Variants in RBFOX1 observed in about 807,000 individuals in gnomAD.
RBFOX1 encodes the protein RNA binding fox-1 homolog 1.
A neutral mutation model predicts 57.7 loss-of-function variants in RBFOX1; 8 were observed. The observed-to-expected ratio is 0.14, with a 90% confidence interval of 0.08 to 0.25. The LOEUF is 0.25. Among genes scored for constraint, RBFOX1 ranks in the 10% least tolerant of loss-of-function variants. The pLI, the probability that RBFOX1 is intolerant of heterozygous loss-of-function variation, is 1.00. For missense variants in RBFOX1, 611 were observed against 548.5 expected, an observed-to-expected ratio of 1.11 and a Z score of -1.14; for synonymous variants, 326 against 222.4, an observed-to-expected ratio of 1.47 and a Z score of -4.15.
chr16:7,675,652 G>C (rs2146355192), intron 13 of RBFOX1, among the ~76,000 whole-genome samples: 1 of 152,286 alleles, frequency 6.6e-6, no homozygotes, highest in Middle Eastern at 3.4e-3. Flanking sequence ...CTTCATCTAT[G>C]TCTTATCGTA....
intron 3 of RBFOX1, among the ~76,000 whole-genome samples, chr16:6,804,134 A>G (rs1402868278): frequency 1.3e-5 from 2 of 152,022 alleles, no homozygotes; most frequent in Non-Finnish European, 2.9e-5. Flanking sequence ...CAGGCATCCA[A>G]GTAGCTGGGA....
chr16:5,510,467 A>C (rs1011811155), intron 2 of RBFOX1, among the ~76,000 whole-genome samples: 1 of 150,412 alleles, frequency 6.6e-6, no homozygotes, highest in South Asian at 2.1e-4. Context: ...CTCAAAGCCA[A>C]GTCCTGAAAC....
intron 5 of RBFOX1, among the ~76,000 whole-genome samples, chr16:7,526,337 C>G (rs2078702687): frequency 6.6e-6 from 1 of 152,132 alleles, no homozygotes; most frequent in South Asian, 2.1e-4. Context: ...TTCTTCGTGG[C>G]TGCCCTCTAG....
intron 3 of RBFOX1, among the ~76,000 whole-genome samples, chr16:6,741,767 T>G (rs533631029): frequency 6.6e-6 from 1 of 152,226 alleles, no homozygotes; most frequent in South Asian, 2.1e-4. Flanking sequence ...GCAAATTTCA[T>G]ATCTAATAAA....
At chr16:5,548,981 T>G (rs751590297) in intron 2 of RBFOX1, among the ~76,000 whole-genome samples, 1 of 152,194 alleles carries the variant, frequency 6.6e-6, no homozygotes, top group African/African-American at 2.4e-5. Flanking sequence ...GTAATGAAGA[T>G]AAGGTGATTT....
intron 4 of RBFOX1, among the ~76,000 whole-genome samples, chr16:6,007,894 G>A (rs760260336): frequency 1.4e-4 from 22 of 152,050 alleles, no homozygotes; most frequent in Non-Finnish European, 2.6e-4. Context: ...CGTGGAGAAC[G>A]CAGTGGAGAG....
chr16:6,990,003 C>A lies in RBFOX1; in HGVS notation c.-15-62054C>A, dbSNP rs903746049. The stretch of plus-strand genomic sequence containing the variant: ...GTGACAAGAGCGAGACTCTGTTTCA[C>A]ACAAAAAACTGAGAAAATGTCTGCA... On this transcript the variant is annotated intron_variant, in intron 3 of 15. Transcript: ENST00000550418. Among the ~76,000 whole-genome samples the A allele has an allele frequency of 2.0e-5, 3 of 152,134 alleles. No homozygotes were observed. In the South Asian group the frequency reaches 6.2e-4, roughly 32 times the overall value.
chr16:5,334,941 C>A (rs538462373), intron 1 of RBFOX1, among the ~76,000 whole-genome samples: 1 of 151,930 alleles, frequency 6.6e-6, no homozygotes, highest in Non-Finnish European at 1.5e-5. Flanking sequence ...TAGTTTTGTT[C>A]GCTTGTTTAA....
At chr16:7,233,926 C>G (rs2152931969) in intron 4 of RBFOX1, among the ~76,000 whole-genome samples, 1 of 152,296 alleles carries the variant, frequency 6.6e-6, no homozygotes, top group Middle Eastern at 3.4e-3. Context: ...GGCCAATGGA[C>G]AAATTTCCAT....
chr16:6,936,512 C>T (rs1330691027), intron 3 of RBFOX1, among the ~76,000 whole-genome samples: 2 of 152,064 alleles, frequency 1.3e-5, no homozygotes, highest in African/African-American at 4.8e-5. Context: ...ACTATGTATC[C>T]AGAAACGTAA....
At chr16:6,320,861 T>A (rs1363277311) in intron 2 of RBFOX1, among the ~76,000 whole-genome samples, 2 of 152,180 alleles carry the variant, frequency 1.3e-5, no homozygotes, top group African/African-American at 4.8e-5. Flanking sequence ...TGGCACGATC[T>A]CAGCTCACTA....
intron 1 of RBFOX1, among the ~76,000 whole-genome samples, chr16:6,025,147 T>A (rs148780296): frequency 6.6e-6 from 1 of 152,296 alleles, no homozygotes; most frequent in East Asian, 1.9e-4. Context: ...TGTTAGGTGT[T>A]TTTGAGATGA....
At chr16:6,020,791 C>T (rs781536927) in intron 1 of RBFOX1, among the ~76,000 whole-genome samples, 30 of 152,218 alleles carry the variant, frequency 2.0e-4, no homozygotes, top group African/African-American at 4.8e-5. Context: ...CCCCACCGCC[C>T]AGGAGGCCAC....
intron 2 of RBFOX1, among the ~76,000 whole-genome samples, chr16:6,494,727 T>C (rs1170101861): frequency 6.6e-6 from 1 of 152,230 alleles, no homozygotes; most frequent in Admixed American, 6.5e-5. Flanking sequence ...GATTTATGCA[T>C]ATTATGGAAC....
chr16:7,406,728 T>C (rs79672228), intron 4 of RBFOX1, among the ~76,000 whole-genome samples: 2 of 152,338 alleles, frequency 1.3e-5, no homozygotes, highest in East Asian at 3.9e-4. Flanking sequence ...TTCCGTGGCT[T>C]ACAACATCAC....
intron 2 of RBFOX1, among the ~76,000 whole-genome samples, chr16:6,336,121 T>G (rs1599759968): frequency 2.2e-5 from 3 of 135,150 alleles, no homozygotes. Context: ...CTTAAATAAC[T>G]GTGATATATA....
At chr16:6,463,494 A>G (rs1012365529) in intron 2 of RBFOX1, among the ~76,000 whole-genome samples, 7 of 152,160 alleles carry the variant, frequency 4.6e-5, no homozygotes, top group African/African-American at 1.7e-4. Context: ...AGCTTTTTGA[A>G]CTGATGAACT....
chr16:7,710,320 A>G, intron 15 of RBFOX1: 1 of 1,212,942 alleles, frequency 8.2e-7, no homozygotes, highest in Non-Finnish European at 1.0e-6. Flanking sequence ...AGTGCAGATT[A>G]TTCTGTTATA....
intron 14 of RBFOX1, among the ~76,000 whole-genome samples, chr16:7,704,541 C>G (rs748349843): frequency 2.6e-5 from 4 of 152,174 alleles, no homozygotes; most frequent in Admixed American, 6.5e-5. Context: ...CCCCATTTCT[C>G]TCTTTACTCC....
Sources: gnomAD v4.1 joint callset for allele counts (sites outside exome capture counted in the v4.1 genomes callset) on GRCh38, gnomAD v4.1.1 for gene constraint, MANE v1.5 for transcripts, NCBI Gene and HGNC (gene_info 2026-07-23, HGNC 2026-07-21) for gene names.